Variants in GTF2I observed in about 807,000 individuals in gnomAD.
GTF2I encodes the protein general transcription factor IIi, also known as general transcription factor II-I.
In GTF2I, 12 loss-of-function variants were observed where a neutral mutation model predicts 67.6. The ratio of observed to expected loss-of-function variants is 0.18; its 90% CI spans 0.11 to 0.29. GTF2I has a LOEUF of 0.29. GTF2I is among the 10% of genes least tolerant of loss of function. The pLI is 1.00. For missense variants in GTF2I, 271 were observed against 580.1 expected, an observed-to-expected ratio of 0.47 and a Z score of 5.47; for synonymous variants, 149 against 197.0, an observed-to-expected ratio of 0.76 and a Z score of 2.04.
intron 8 of GTF2I, among the ~76,000 whole-genome samples, chr7:74,707,080 C>T (rs1170553806): frequency 1.3e-5 from 2 of 152,196 alleles, no homozygotes; most frequent in African/African-American, 4.8e-5. Flanking sequence ...GAACTCCTGA[C>T]CTCAAGTGAT....
At chr7:74,734,485 G>C (rs587763428) in intron 16 of GTF2I, among the ~76,000 whole-genome samples, 15 of 151,884 alleles carry the variant, frequency 9.9e-5, no homozygotes, top group Admixed American at 6.6e-4. Flanking sequence ...GCAGTGGTGC[G>C]ATCTCCGCTC....
chr7:74,685,398 G>A (rs1173426325), intron 1 of GTF2I, among the ~76,000 whole-genome samples: 2 of 152,198 alleles, frequency 1.3e-5, no homozygotes, highest in Non-Finnish European at 2.9e-5. Context: ...TCGGGAGGCT[G>A]AGGCAGGAGA....
intron 1 of GTF2I, among the ~76,000 whole-genome samples, chr7:74,680,216 T>C (rs1554393780): frequency 6.8e-6 from 1 of 147,944 alleles, no homozygotes; most frequent in Non-Finnish European, 1.5e-5. Context: ...ATATATATTA[T>C]AACATGAAAA....
At position 74,668,173 on chromosome 7, in the gene GTF2I, C is replaced by CTTT. The variant is rs781864782; in HGVS notation, c.-6+10126_-6+10128dup. On this transcript the variant is annotated intron_variant, in intron 1 of 34. Coordinates refer to ENST00000573035, the MANE Select transcript of GTF2I (RefSeq NM_032999.4). ...GTATGTATAGTTCAGTGGTGCAGAA[C>CTTT]TTTTTTTTTTTTTTTTTTTTTTTGA... 3.5e-3 allele frequency among the ~76,000 whole-genome samples: 323 copies of CTTT among 92,838 alleles called. 1 individual carries two copies. The highest frequency in any genetic ancestry group is 4.7e-3 in the Non-Finnish European group (232 of 49,510). 60.9% of individuals were successfully genotyped at this position (92,838 alleles called of 152,430 possible).
chr7:74,726,076 C>T (rs1305681682), intron 12 of GTF2I, among the ~76,000 whole-genome samples: 4 of 152,088 alleles, frequency 2.6e-5, no homozygotes, highest in Non-Finnish European at 5.9e-5. Context: ...AGCTGTGTTT[C>T]CTTTCTCATG....
intron 1 of GTF2I, among the ~76,000 whole-genome samples, chr7:74,677,686 G>A (rs1806020789): frequency 6.9e-6 from 1 of 144,688 alleles, no homozygotes; most frequent in Non-Finnish European, 1.5e-5. Context: ...GGAGGCTGAG[G>A]CAGGAGAATT....
At chr7:74,737,187 C>T (rs1584322182) in intron 18 of GTF2I, among the ~76,000 whole-genome samples, 1 of 147,502 alleles carries the variant, frequency 6.8e-6, no homozygotes, top group East Asian at 2.0e-4. Flanking sequence ...AGCGAGACTC[C>T]ATCTCAAAAT....
At chr7:74,718,774 A>T in intron 11 of GTF2I, 105 bp from the exon 12 acceptor site, 1 of 590,420 alleles carries the variant, frequency 1.7e-6, no homozygotes, top group South Asian at 2.2e-5. Context: ...ATGCCAGTGG[A>T]TTTTTATAGT....
At chr7:74,682,786 C>T (rs1326896502) in intron 1 of GTF2I, among the ~76,000 whole-genome samples, 1 of 151,984 alleles carries the variant, frequency 6.6e-6, no homozygotes, top group East Asian at 1.9e-4. Flanking sequence ...AATAACTGCC[C>T]CATTACCAAA....
Position 74,689,148 on chromosome 7 carries a change from C to G in GTF2I, c.20C>G (p.Ser7Cys). Residue 7 changes from serine (S) to cysteine (C), a missense_variant, in exon 2 of 35, where the codon TCC becomes TGC. Transcript: ENST00000573035. ...GGGATCATGGCCCAAGTTGCAATGTCCACCCTCCCCGTTGAAGATGAGGAG... is the reference window on the plus strand; with the variant it reads ...GGGATCATGGCCCAAGTTGCAATGTGCACCCTCCCCGTTGAAGATGAGGAG... MAQVAMSTLPVEDEESS... is the reference protein window; with the variant it reads MAQVAMCTLPVEDEESS... 6.2e-7 allele frequency: 1 copy of G among 1,611,190 alleles called. No individual in the cohort carries two copies. The highest frequency in any genetic ancestry group is 1.1e-5 in the South Asian group (1 of 91,020).
intron 1 of GTF2I, among the ~76,000 whole-genome samples, chr7:74,675,486 A>G (rs1554392102): frequency 6.6e-6 from 1 of 152,044 alleles, no homozygotes; most frequent in Non-Finnish European, 1.5e-5. Context: ...TTGTGGTACA[A>G]TACTTTGGCA....
At position 74,685,844 on chromosome 7, in the gene GTF2I, G is replaced by GA. The variant is rs587619453; in HGVS notation, c.-5-3279dup. 2.2e-3 allele frequency among the ~76,000 whole-genome samples: 329 copies of GA among 151,708 alleles called. 4 individuals are homozygous for GA. The highest frequency in any genetic ancestry group is 5.4e-4 in the Non-Finnish European group (37 of 67,938). On this transcript the variant is annotated intron_variant, in intron 1 of 34. Transcript: ENST00000573035. ...CGAGGCGGGCGGATCATGAGGTCAG[G>GA]AGATCGATACCATCCTGGCTAACAT...
chr7:74,663,023 T>TATC, intron 1 of GTF2I, among the ~76,000 whole-genome samples: 1 of 152,276 alleles, frequency 6.6e-6, no homozygotes, highest in East Asian at 1.9e-4. Context: ...GACAGGTTGT[T>TATC]ATCATCTAAA....
chr7:74,715,739 A>G (rs1792177386), intron 10 of GTF2I, among the ~76,000 whole-genome samples: 1 of 152,094 alleles, frequency 6.6e-6, no homozygotes, highest in Admixed American at 6.5e-5. Flanking sequence ...AGGTTTGTAG[A>G]TTTACCTAGA....
At chr7:74,705,878 A>G (rs1431111837) in intron 7 of GTF2I, among the ~76,000 whole-genome samples, 3 of 147,706 alleles carry the variant, frequency 2.0e-5, no homozygotes, top group Admixed American at 1.4e-4. Context: ...AAGTCTTAAT[A>G]TGCTACTCTG....
intron 1 of GTF2I, among the ~76,000 whole-genome samples, chr7:74,661,862 A>G (rs889612338): frequency 6.6e-6 from 1 of 152,116 alleles, no homozygotes; most frequent in African/African-American, 2.4e-5. Context: ...ATAAAATGGG[A>G]AATCTTTGGA....
At chr7:74,660,609 T>C (rs1430264978) in intron 1 of GTF2I, among the ~76,000 whole-genome samples, 1 of 129,482 alleles carries the variant, frequency 7.7e-6, no homozygotes, top group Non-Finnish European at 1.7e-5. Flanking sequence ...CTTTTCCTTT[T>C]TCTTTTCTTT....
At chr7:74,706,500 A>T (rs1790715635) in intron 8 of GTF2I, 67 bp downstream of exon 8, 2 of 1,167,148 alleles carry the variant, frequency 1.7e-6, no homozygotes, top group East Asian at 4.7e-5. Flanking sequence ...GTAGAAGTTT[A>T]TAGTTTGACT....
At chr7:74,666,132 C>T (rs781920833) in intron 1 of GTF2I, among the ~76,000 whole-genome samples, 5 of 152,154 alleles carry the variant, frequency 3.3e-5, no homozygotes, top group Non-Finnish European at 7.3e-5. Flanking sequence ...CGTGATCCAC[C>T]GCGCCTGGCC....
Sources: gnomAD v4.1 joint callset for allele counts (sites outside exome capture counted in the v4.1 genomes callset) on GRCh38, gnomAD v4.1.1 for gene constraint, MANE v1.5 for transcripts, NCBI Gene and HGNC (gene_info 2026-07-23, HGNC 2026-07-21) for gene names.